Variants in CFAP54 observed in about 807,000 individuals in gnomAD.
The protein encoded by CFAP54 is cilia and flagella associated protein 54, also known as cilia- and flagella-associated protein 54.
A neutral mutation model predicts 370.4 loss-of-function variants in CFAP54; 290 were observed. The observed-to-expected ratio is 0.78, with a 90% CI of 0.71 to 0.86. The LOEUF (loss-of-function observed/expected upper bound fraction) is 0.86. Ranked by LOEUF, CFAP54 falls within the 40% of genes least tolerant of loss-of-function variation. The probability of loss-of-function intolerance (pLI) is 0.00; values close to 1 mark genes in which losing one functional copy is unlikely to be tolerated. For synonymous variants in CFAP54, 1,206 were observed against 1,236.5 expected (o/e 0.98, Z 0.52); for missense variants, 3,399 against 3,528.7 (o/e 0.96, Z 0.93).
intron 32 of CFAP54, among the ~76,000 whole-genome samples, chr12:96,638,009 A>G (rs1229154225): frequency 6.6e-6 from 1 of 152,152 alleles, no homozygotes; most frequent in Non-Finnish European, 1.5e-5. Flanking sequence ...ATGATGTTCA[A>G]ACAACAATAA....
rs1956107125 is a variant in CFAP54 at position 96,589,700 on chromosome 12, A to G, written c.3212+137A>G. On this transcript the variant is annotated intron_variant, in intron 23 of 67. Coordinates refer to ENST00000524981, the MANE Select transcript of CFAP54 (RefSeq NM_001306084.2). Reference sequence around the variant, plus strand: ...ATCATTTCTAATAACTATTGTAATAAGAGTATGCATTGCAAGGTCTCATGT... The same window carrying G: ...ATCATTTCTAATAACTATTGTAATAGGAGTATGCATTGCAAGGTCTCATGT... The G allele has an allele frequency of 4.9e-6, 3 of 616,190 alleles. No individual in the cohort carries two copies. In the South Asian group the frequency reaches 6.9e-5, roughly 14 times the overall value. 38.2% of individuals were successfully genotyped at this position (616,190 alleles called of 1,614,324 possible). A position where few individuals can be genotyped will look rare whatever the true frequency, so the allele number is the denominator to read the frequency against.
At chr12:96,622,284 C>G (rs1956505615) in intron 27 of CFAP54, among the ~76,000 whole-genome samples, 1 of 151,988 alleles carries the variant, frequency 6.6e-6, no homozygotes, top group African/African-American at 2.4e-5. Flanking sequence ...TTTTGTAGAT[C>G]AAGTTTTGAA....
In CFAP54 at chr12:96,757,527, T is replaced by C; in HGVS notation, c.7979T>C (p.Leu2660Pro). ...AGAGACTCCTACCTAGAAATGGCTCTATTGTATTTTCATCTGAAGAAGCCA... is the reference window on the plus strand; with the variant it reads ...AGAGACTCCTACCTAGAAATGGCTCCATTGTATTTTCATCTGAAGAAGCCA... ...LIRDSYLEMA[L>P]LYFHLKKPKI... The change falls in exon 58 of 68, where the codon CTA becomes CCA. Residue 2660 changes from leucine (L) to proline (P), a missense_variant. By Grantham distance (98) the Leu-to-Pro change is moderately conservative. Coordinates refer to ENST00000524981, the MANE Select transcript of CFAP54 (RefSeq NM_001306084.2). The C allele has an allele frequency of 2.5e-6, 4 of 1,598,268 alleles. No individual in the cohort carries two copies. The highest frequency in any genetic ancestry group is 3.4e-6 in the Non-Finnish European group (4 of 1,168,804).
intron 26 of CFAP54, among the ~76,000 whole-genome samples, chr12:96,620,626 A>G (rs1956476682): frequency 6.6e-6 from 1 of 152,272 alleles, no homozygotes; most frequent in Non-Finnish European, 1.5e-5. Flanking sequence ...TCAACAGAAT[A>G]TATCTACATA....
At chr12:96,724,515 T>C (rs1957804131) in intron 50 of CFAP54, among the ~76,000 whole-genome samples, 2 of 152,350 alleles carry the variant, frequency 1.3e-5, no homozygotes, top group Non-Finnish European at 2.9e-5. Flanking sequence ...CCATTTTTGA[T>C]GGGGTTGTTT....
chr12:96,498,513 C>T (rs1378309398), intron 1 of CFAP54, among the ~76,000 whole-genome samples: 7 of 152,130 alleles, frequency 4.6e-5, no homozygotes, highest in South Asian at 2.1e-4. Flanking sequence ...ATTAGCTGGG[C>T]GTGGTGGTGC....
At chr12:96,815,760 A>G (rs528872077) in intron 64 of CFAP54, among the ~76,000 whole-genome samples, 1 of 152,326 alleles carries the variant, frequency 6.6e-6, no homozygotes, top group South Asian at 2.1e-4. Flanking sequence ...GAAGGGGTCC[A>G]GTTTCAGTTT....
intron 61 of CFAP54, among the ~76,000 whole-genome samples, chr12:96,785,388 T>C (rs1958619011): frequency 1.3e-5 from 2 of 152,142 alleles, no homozygotes; most frequent in African/African-American, 4.8e-5. Context: ...TTAGTCCCTC[T>C]TGTGATTGTG....
Position 96,554,793 on chromosome 12 carries a change from A to G in CFAP54, c.2401A>G (p.Lys801Glu). The change falls in exon 17 of 68, where the codon AAA becomes GAA. Residue 801 changes from lysine (K) to glutamate (E), a missense_variant. By Grantham distance (56) the Lys-to-Glu change is moderately conservative. Transcript: ENST00000524981. ...QHRIAVVLLD[K>E]LQVLQTPTVS... ...TCGAATAGCTGTTGTGCTTCTGGAC[A>G]AATTGCAAGGTAGTAGTCACTAAAG... 1 of 1,533,574 alleles carries G rather than the reference A, an allele frequency of 6.5e-7. No individual in the cohort carries two copies. Among genetic ancestry groups the G allele is most frequent in the Non-Finnish European group, 8.7e-7 (1 of 1,145,318 alleles). The allele number at this position is 1,533,574 out of a possible 1,614,324, so 95.0% of individuals were successfully genotyped here. A position where few individuals can be genotyped will look rare whatever the true frequency, so the allele number is the denominator to read the frequency against.
chr12:96,766,558 TTAA>T (rs1220306563), intron 60 of CFAP54, among the ~76,000 whole-genome samples: 1 of 152,116 alleles, frequency 6.6e-6, no homozygotes, highest in Admixed American at 6.6e-5. Context: ...TTGTACAGTA[TTAA>T]TAATCAAGAG....
intron 33 of CFAP54, chr12:96,645,237 T>A: frequency 2.2e-6 from 1 of 448,656 alleles, no homozygotes. Flanking sequence ...TAATATGGAA[T>A]ACTGTGTAGC....
At chr12:96,569,753 C>G (rs1165474239) in intron 19 of CFAP54, among the ~76,000 whole-genome samples, 1 of 152,124 alleles carries the variant, frequency 6.6e-6, no homozygotes, top group Non-Finnish European at 1.5e-5. Context: ...CCATTTTGGA[C>G]CAGAACTAAC....
At chr12:96,509,945 C>A (rs1044064396) in intron 4 of CFAP54, among the ~76,000 whole-genome samples, 1 of 151,938 alleles carries the variant, frequency 6.6e-6, no homozygotes, top group Non-Finnish European at 1.5e-5. Flanking sequence ...GAAAAGGACT[C>A]ACAAGACCAG....
rs1956817380 is a variant in CFAP54 at position 96,648,030 on chromosome 12, T to A, written c.4690+13T>A. On this transcript the variant is annotated intron_variant, in intron 34 of 67. Transcript: ENST00000524981. ...AACTTACCATCAGGTAAAATAAACA[T>A]GTTAGTTTATTATTAAATTACCTCT... 14 of 1,484,280 alleles carry A rather than the reference T, an allele frequency of 9.4e-6. No individual in the cohort carries two copies. The highest frequency in any genetic ancestry group is 1.2e-5 in the Non-Finnish European group (13 of 1,126,032). The allele number at this position is 1,484,280 out of a possible 1,614,324, so 91.9% of individuals were successfully genotyped here.
intron 63 of CFAP54, among the ~76,000 whole-genome samples, chr12:96,799,385 G>T (rs1294886198): frequency 2.0e-5 from 3 of 152,100 alleles, no homozygotes; most frequent in Admixed American, 6.6e-5. Flanking sequence ...TTTGTGTTCT[G>T]CATTGGTCTA....
At chr12:96,648,208 TATG>T (rs1956819036) in intron 34 of CFAP54, among the ~76,000 whole-genome samples, 191 bp downstream of exon 34, 1 of 152,240 alleles carries the variant, frequency 6.6e-6, no homozygotes, top group African/African-American at 2.4e-5. Context: ...TCTATATTCT[TATG>T]ATATTATTGC....
rs189390555 is a variant in CFAP54, at chr12:96,855,164, T to C, written c.9172-5655T>C. ...ACTCACTATTACGAGAACAGTATGA[T>C]GGTAACTGCCCCCATGATTAGATTA... On this transcript the variant is annotated intron_variant, in intron 66 of 67. Transcript: ENST00000524981. Among the ~76,000 whole-genome samples the C allele has an allele frequency of 1.3e-4, 20 of 152,244 alleles. No homozygotes were observed. The East Asian group carries it at 3.9e-3, about 29-fold the overall frequency.
chr12:96,806,770 C>A (rs1037161002), intron 63 of CFAP54, among the ~76,000 whole-genome samples: 4 of 151,996 alleles, frequency 2.6e-5, no homozygotes, highest in African/African-American at 9.7e-5. Flanking sequence ...GGAGCCTGAT[C>A]CTTCAGATGG....
At chr12:96,759,622 A>G (rs987838211) in intron 58 of CFAP54, among the ~76,000 whole-genome samples, 2 of 152,246 alleles carry the variant, frequency 1.3e-5, no homozygotes, top group Non-Finnish European at 2.9e-5. Context: ...ACAACACATT[A>G]TAAGCCCTTA....
Sources: allele counts gnomAD v4.1 joint callset (sites outside exome capture counted in the v4.1 genomes callset), GRCh38; gene constraint gnomAD v4.1.1; transcripts MANE v1.5; gene names NCBI Gene and HGNC (gene_info 2026-07-23, HGNC 2026-07-21).